NKTR: variants seen among roughly 807,000 people sequenced by gnomAD.
NKTR encodes the protein natural killer cell triggering receptor, also known as NK-tumor recognition protein.
NKTR carries 67 observed loss-of-function variants against 156.3 expected under a neutral mutation model. That is an observed-to-expected ratio of 0.43 (90% CI 0.35 to 0.53). The LOEUF (loss-of-function observed/expected upper bound fraction) is 0.53. NKTR is among the 20% of genes least tolerant of loss of function. The pLI is 0.01. For missense variants in NKTR, 1,604 were observed against 1,730.9 expected, an observed-to-expected ratio of 0.93 and a Z score of 1.30; for synonymous variants, 640 against 596.6, an observed-to-expected ratio of 1.07 and a Z score of -1.06.
At chr3:42,609,836 G>C (rs953996282) in intron 2 of NKTR, among the ~76,000 whole-genome samples, 5 of 150,154 alleles carry the variant, frequency 3.3e-5, no homozygotes, top group Non-Finnish European at 7.4e-5. Context: ...TGTTCTACTA[G>C]TTCTTGTTTG....
At chr3:42,617,213 G>C (rs1707457001) in intron 2 of NKTR, among the ~76,000 whole-genome samples, 1 of 152,046 alleles carries the variant, frequency 6.6e-6, no homozygotes, top group East Asian at 1.9e-4. Flanking sequence ...TCACTGGAAG[G>C]GCCCAAGCAT....
chr3:42,605,525 C>G (rs1706148552), intron 2 of NKTR, among the ~76,000 whole-genome samples: 1 of 152,228 alleles, frequency 6.6e-6, no homozygotes. Flanking sequence ...TTAACAACCT[C>G]TTTGTGAAAT....
chr3:42,607,776 T>A (rs567582791), intron 2 of NKTR, among the ~76,000 whole-genome samples: 4 of 151,918 alleles, frequency 2.6e-5, no homozygotes, highest in African/African-American at 9.7e-5. Context: ...TTGGGTAAAT[T>A]TGAATATGGA....
At position 42,638,836 on chromosome 3, in the gene NKTR, T is replaced by TTCCA. The variant is rs1424674521; in HGVS notation, c.3134_3135insCATC (p.Glu1046IlefsTer2). ...CTCAGGAATCAAAAGAGAAAAAAGTTTCTGAAAACAATGAAACCATAAAAG... is the reference window on the plus strand; with the variant it reads ...CTCAGGAATCAAAAGAGAAAAAAGTTTCCATCTGAAAACAATGAAACCATAAAAG... On this transcript the variant is annotated frameshift_variant, in exon 13 of 17. Coordinates refer to ENST00000232978, the MANE Select transcript of NKTR (RefSeq NM_005385.4). LOFTEE classifies it high-confidence loss of function. 1 of 1,601,686 alleles carries TTCCA rather than the reference T, an allele frequency of 6.2e-7. No homozygotes were observed. The highest frequency in any genetic ancestry group is 8.5e-7 in the Non-Finnish European group (1 of 1,176,954).
chr3:42,630,837 A>G, intron 7 of NKTR: 1 of 1,331,706 alleles, frequency 7.5e-7, no homozygotes, highest in Non-Finnish European at 9.6e-7. Context: ...TCAGTTTTCC[A>G]AAATGGGTCG....
rs1181329631 is a variant in NKTR, at chr3:42,619,048, G to A, written c.162G>A (p.Gly54=). 1 of 1,602,410 alleles carries A rather than the reference G, an allele frequency of 6.2e-7. No individual in the cohort carries two copies. Among genetic ancestry groups the A allele is most frequent in the Non-Finnish European group, 8.5e-7 (1 of 1,176,178 alleles). The part of the protein sequence containing the change: ...SGEKGLGKTT[G]KKLCYKGSTF... Reference sequence around the variant, plus strand: ...AGAAAGGCCTTGGGAAAACAACTGGGAAGAAGTTATGTTATAAAGGTTCTA... The same window carrying A: ...AGAAAGGCCTTGGGAAAACAACTGGAAAGAAGTTATGTTATAAAGGTTCTA... Residue 54 remains glycine (G), a synonymous_variant, in exon 4 of 17, where the codon GGG becomes GGA. Transcript: ENST00000232978.
At chr3:42,611,265 G>A (rs569249260) in intron 2 of NKTR, 3 of 152,096 alleles carry the variant, frequency 2.0e-5, no homozygotes, top group African/African-American at 7.2e-5. Context: ...GGTGTTTATG[G>A]ACATGTCATG....
chr3:42,627,764 G>C (rs1708529348), intron 6 of NKTR: 3 of 982,884 alleles, frequency 3.1e-6, no homozygotes, highest in South Asian at 9.4e-5. Flanking sequence ...TTCTTTTTTA[G>C]GTATGTTTTC....
chr3:42,614,916 A>C (rs1178098923), intron 2 of NKTR, among the ~76,000 whole-genome samples: 1 of 152,066 alleles, frequency 6.6e-6, no homozygotes, highest in African/African-American at 2.4e-5. Flanking sequence ...AGGCAAAAAC[A>C]ATTCAGTTTT....
At chr3:42,615,399 T>A (rs1003389677) in intron 2 of NKTR, among the ~76,000 whole-genome samples, 5 of 151,318 alleles carry the variant, frequency 3.3e-5, no homozygotes, top group African/African-American at 9.7e-5. Flanking sequence ...TTTTTTTTTT[T>A]AAACCACTCT....
intron 12 of NKTR, among the ~76,000 whole-genome samples, chr3:42,636,283 C>T (rs1709406212): frequency 6.6e-6 from 1 of 152,148 alleles, no homozygotes; most frequent in Non-Finnish European, 1.5e-5. Context: ...CACAGTGGTG[C>T]TGAGGACTTT....
chr3:42,605,819 C>T (rs1190395437), intron 2 of NKTR, among the ~76,000 whole-genome samples: 1 of 152,056 alleles, frequency 6.6e-6, no homozygotes, highest in Non-Finnish European at 1.5e-5. Context: ...ATATTATTAA[C>T]CTAATAATAG....
chr3:42,639,774 CT>C, intron 13 of NKTR, 24 bp downstream of exon 13: 1 of 1,500,160 alleles, frequency 6.7e-7, no homozygotes, highest in Non-Finnish European at 9.1e-7. Context: ...TCTTTCCTTT[CT>C]TCTCCCAAGG....
At chr3:42,605,188 G>C (rs1203037636) in intron 2 of NKTR, among the ~76,000 whole-genome samples, 8 of 152,052 alleles carry the variant, frequency 5.3e-5, no homozygotes, top group Non-Finnish European at 1.5e-5. Flanking sequence ...CGTTTTATTA[G>C]TGTTTACATG....
chr3:42,637,543 T>C lies in NKTR; in HGVS notation c.1839T>C (p.Ser613=), dbSNP rs1559585364. Reference sequence around the variant, plus strand: ...TTCCTGTAATACCACTGAGTGACAGTCCCCCCCCTTCAAGATGGAAGCCTG... The same window carrying C: ...TTCCTGTAATACCACTGAGTGACAGCCCCCCCCCTTCAAGATGGAAGCCTG... The part of the protein sequence containing the change: ...ENIPVIPLSD[S]PPPSRWKPGQ... The change falls in exon 13 of 17, where the codon AGT becomes AGC. Residue 613 remains serine, a synonymous_variant. Coordinates refer to ENST00000232978, the MANE Select transcript of NKTR (RefSeq NM_005385.4). 2 of 1,612,148 alleles carry C rather than the reference T, an allele frequency of 1.2e-6. No homozygotes were observed. Among genetic ancestry groups the C allele is most frequent in the Admixed American group, 1.7e-5 (1 of 59,840 alleles).
At chr3:42,642,254 T>C (rs1024292800) in intron 13 of NKTR, among the ~76,000 whole-genome samples, 2 of 152,214 alleles carry the variant, frequency 1.3e-5, no homozygotes, top group African/African-American at 2.4e-5. Context: ...ATTGGTGTTA[T>C]AAATCAGGCT....
intron 11 of NKTR, 22 bp from the exon 12 acceptor site, chr3:42,635,199 A>T: frequency 6.2e-7 from 1 of 1,602,212 alleles, no homozygotes; most frequent in Non-Finnish European, 8.5e-7. Flanking sequence ...TTTTTAAAAT[A>T]CTATTGTTTT....
intron 2 of NKTR, among the ~76,000 whole-genome samples, chr3:42,613,817 A>T (rs1463576137): frequency 6.6e-6 from 1 of 152,126 alleles, no homozygotes; most frequent in Admixed American, 6.5e-5. Context: ...ATTTTTAAGG[A>T]TCTGCATGTT....
intron 2 of NKTR, among the ~76,000 whole-genome samples, chr3:42,610,491 CT>C (rs990457695): frequency 2.6e-5 from 4 of 151,446 alleles, no homozygotes; most frequent in Admixed American, 6.6e-5. Context: ...TGTTGAATTT[CT>C]TTTTTTTAAT....
Sources: gnomAD v4.1 joint callset for allele counts (sites outside exome capture counted in the v4.1 genomes callset) on GRCh38, gnomAD v4.1.1 for gene constraint, MANE v1.5 for transcripts, NCBI Gene and HGNC (gene_info 2026-07-23, HGNC 2026-07-21) for gene names.